PILRB: variants seen among roughly 807,000 people sequenced by gnomAD.
PILRB encodes the protein paired immunoglobulin-like type 2 receptor beta.
In PILRB, 21 loss-of-function variants were observed where a neutral mutation model predicts 20.5. The observed-to-expected ratio is 1.02, with a 90% CI of 0.72 to 1.47. The LOEUF is 1.47. Among genes scored for constraint, PILRB ranks in the 40% most tolerant of loss-of-function variants. The probability of loss-of-function intolerance (pLI) is 0.00; values close to 1 mark genes in which losing one functional copy is unlikely to be tolerated. For missense variants in PILRB, 253 were observed against 272.1 expected (o/e 0.93, Z 0.49); for synonymous variants, 133 against 115.1 (o/e 1.16, Z -0.99).
Position 100,367,455 on chromosome 7 carries a change from C to G in PILRB, c.*78C>G. On this transcript the variant is annotated 3_prime_UTR_variant, in exon 4 of 4. Transcript: ENST00000609309. ...GAGACCCGCTTGTGAGTCCTCCACACTCGTTCCCCATTGGCAAGATACATG... is the reference window on the plus strand; with the variant it reads ...GAGACCCGCTTGTGAGTCCTCCACAGTCGTTCCCCATTGGCAAGATACATG... 1 of 770,168 alleles carries G rather than the reference C, an allele frequency of 1.3e-6. No individual in the cohort carries two copies. The allele number at this position is 770,168 out of a possible 1,614,324, so 47.7% of individuals were successfully genotyped here.
At chr7:100,365,950 T>G (rs6952735) in intron 3 of PILRB, among the ~76,000 whole-genome samples, 285 of 114,148 alleles carry the variant, frequency 2.5e-3, no homozygotes, top group African/African-American at 0.01. Flanking sequence ...TTCTAGGTGG[T>G]TTTTTTTTTT....
intron 3 of PILRB, among the ~76,000 whole-genome samples, chr7:100,364,555 T>C (rs572356896): frequency 2.0e-5 from 3 of 152,334 alleles, no homozygotes; most frequent in Admixed American, 6.5e-5. Context: ...ACAAGAACGA[T>C]AGATCAACTG....
rs80244956 is a variant in PILRB, at chr7:100,363,326, T to C, written c.655+3789T>C. 8.1e-3 allele frequency among the ~76,000 whole-genome samples: 1,235 copies of C among 152,234 alleles called. 8 individuals carry two copies. Among genetic ancestry groups the C allele is most frequent in the Non-Finnish European group, 0.012 (787 of 68,012 alleles). On this transcript the variant is annotated intron_variant, in intron 3 of 3. Transcript: ENST00000609309. ...GTTGAATGAATGAATTCAGCAAAGT[T>C]CCAGGAAACCAATTTAACATGCAAG...
In PILRB at chr7:100,359,359, G is replaced by A. The variant is rs769645864; in HGVS notation, c.477G>A (p.Trp159Ter). The change falls in exon 3 of 4, where the codon TGG (tryptophan) becomes TGA (stop). Residue 159 changes from tryptophan (W) to a stop codon, truncating the protein, a stop_gained. Coordinates refer to ENST00000609309, the MANE Select transcript of PILRB (RefSeq NM_178238.4). LOFTEE classifies it high-confidence loss of function. ...CAGCTGTCACAACCACCACCACCTGGAGGCCCAGCAGCACAACCACCATAG... is the reference window on the plus strand; with the variant it reads ...CAGCTGTCACAACCACCACCACCTGAAGGCCCAGCAGCACAACCACCATAG... Reference protein sequence around the residue: ...ITQAVTTTTTWRPSSTTTIAG... With the variant: ...ITQAVTTTTT The A allele has an allele frequency of 5.0e-6, 8 of 1,614,016 alleles. No homozygotes were observed. In the South Asian group the frequency reaches 8.8e-5, roughly 18 times the overall value.
chr7:100,366,873 G>A (rs1049222679), intron 3 of PILRB, among the ~76,000 whole-genome samples: 4 of 152,084 alleles, frequency 2.6e-5, no homozygotes, highest in East Asian at 3.9e-4. Context: ...TTGCGGGGGC[G>A]GTTTCAGGAG....
In PILRB at chr7:100,358,679, C is replaced by T. The variant is rs1469001780; in HGVS notation, c.65-11C>T. ...AAGGTCTCTCCCCCACTCACTCCCTCCTTCCTCTAGGTGGCTCCACAGGAT... is the reference window on the plus strand; with the variant it reads ...AAGGTCTCTCCCCCACTCACTCCCTTCTTCCTCTAGGTGGCTCCACAGGAT... On this transcript the variant is annotated splice_polypyrimidine_tract_variant and intron_variant, in intron 1 of 3. Coordinates refer to ENST00000609309, the MANE Select transcript of PILRB (RefSeq NM_178238.4). 6.2e-7 allele frequency: 1 copy of T among 1,612,110 alleles called. No individual in the cohort carries two copies. Among genetic ancestry groups the T allele is most frequent in the Non-Finnish European group, 8.5e-7 (1 of 1,178,524 alleles).
Position 100,365,023 on chromosome 7 carries a change from A to G in PILRB, c.656-2326A>G, listed in dbSNP as rs1307710725. On this transcript the variant is annotated intron_variant, in intron 3 of 3. Transcript: ENST00000609309. The stretch of plus-strand genomic sequence containing the variant: ...TTTATTTAGTTATTTATTTTGAGAC[A>G]AAGTCCTGCTTTGTCACCCAGGCTG... Among the ~76,000 whole-genome samples, 7 of 152,272 alleles carry G rather than the reference A, an allele frequency of 4.6e-5. No individual in the cohort carries two copies. The East Asian group carries it at 1.3e-3, about 29-fold the overall frequency.
intron 3 of PILRB, 122 bp from the exon 4 acceptor site, chr7:100,367,227 C>G: frequency 1.2e-6 from 1 of 813,196 alleles, no homozygotes; most frequent in Non-Finnish European, 2.2e-6. Flanking sequence ...ACAAGCCCAG[C>G]CTGCCACAAA....
rs1309554506 is a variant in PILRB at position 100,359,480 on chromosome 7, A to G, written c.598A>G (p.Lys200Glu). The change falls in exon 3 of 4, where the codon AAA (lysine) becomes GAA (glutamate). Residue 200 changes from lysine (K) to glutamate (E), a missense_variant. Lys to Glu is a moderately conservative substitution (Grantham distance 56, BLOSUM62 1). Coordinates refer to ENST00000609309, the MANE Select transcript of PILRB (RefSeq NM_178238.4). Reference protein sequence around the residue: ...IRVALAVAVLKTVILGLLCLL... With the variant: ...IRVALAVAVLETVILGLLCLL... ...GGTTGCATTGGCTGTCGCTGTGCTCAAAACTGTCATTTTGGGACTGCTGTG... is the reference window on the plus strand; with the variant it reads ...GGTTGCATTGGCTGTCGCTGTGCTCGAAACTGTCATTTTGGGACTGCTGTG... 6.2e-7 allele frequency: 1 copy of G among 1,613,830 alleles called. No individual in the cohort carries two copies. Among genetic ancestry groups the G allele is most frequent in the Non-Finnish European group, 8.5e-7 (1 of 1,179,880 alleles).
intron 3 of PILRB, 50 bp downstream of exon 3, chr7:100,359,587 C>T (rs1385391015): frequency 2.0e-6 from 3 of 1,515,148 alleles, no homozygotes; most frequent in Non-Finnish European, 2.7e-6. Context: ...CTGGGGGTTT[C>T]TCTGAGCCCA....
intron 3 of PILRB, among the ~76,000 whole-genome samples, chr7:100,365,183 A>G (rs1288334475): frequency 1.3e-5 from 2 of 152,046 alleles, no homozygotes. Flanking sequence ...CATTTTTAGT[A>G]GAGACGGGGT....
intron 3 of PILRB, among the ~76,000 whole-genome samples, chr7:100,364,645 A>G (rs554602157): frequency 6.6e-6 from 1 of 152,256 alleles, no homozygotes; most frequent in African/African-American, 2.4e-5. Flanking sequence ...GAGTTGCCTT[A>G]GCCTCCACAA....
intron 3 of PILRB, among the ~76,000 whole-genome samples, chr7:100,360,161 C>G (rs1044681487): frequency 1.3e-5 from 2 of 152,194 alleles, no homozygotes; most frequent in Admixed American, 6.5e-5. Flanking sequence ...GGGAAAAGAA[C>G]AGAGAGAGGA....
chr7:100,366,488 G>C (rs772510967), intron 3 of PILRB, among the ~76,000 whole-genome samples: 36 of 152,118 alleles, frequency 2.4e-4, no homozygotes, highest in Non-Finnish European at 1.5e-4. Context: ...CAGGAGCCCA[G>C]TGCTTGGGAA....
Position 100,367,704 on chromosome 7 carries a change from GGAAAAATACAA to G in PILRB, c.*328_*338del. 1 of 330,042 alleles carries G rather than the reference GGAAAAATACAA, an allele frequency of 3.0e-6. No individual in the cohort carries two copies. Among genetic ancestry groups the G allele is most frequent in the Non-Finnish European group, 5.5e-6 (1 of 180,384 alleles). The allele number at this position is 330,042 out of a possible 1,614,324, so 20.4% of individuals were successfully genotyped here. On this transcript the variant is annotated 3_prime_UTR_variant, in exon 4 of 4. Transcript: ENST00000609309. ...GAGTTCCTTTATCCTCCCCAAGGATGGAAAAATACAATTTATTTTGCTTACCATACACCCCT... is the reference window on the plus strand; with the variant it reads ...GAGTTCCTTTATCCTCCCCAAGGATGTTTATTTTGCTTACCATACACCCCT...
intron 3 of PILRB, among the ~76,000 whole-genome samples, chr7:100,362,506 C>T (rs77178510): frequency 0.02 from 3,105 of 151,994 alleles, 104 homozygotes; most frequent in African/African-American, 0.068. Context: ...CAAGATTGAA[C>T]ACCTTTCCTT....
At position 100,358,839 on chromosome 7, in the gene PILRB, AG is replaced by A; in HGVS notation, c.215del (p.Arg72AsnfsTer23). ...AGTTCCCAACGTGAGAATATCCTGGAGACGGGGCCACTTCCACGGGCAGTCC... is the reference window on the plus strand; with the variant it reads ...AGTTCCCAACGTGAGAATATCCTGGAACGGGGCCACTTCCACGGGCAGTCC... ...AIVPNVRISW[R>X]RGHFHGQSFY... On this transcript the variant is annotated frameshift_variant, in exon 2 of 4. Transcript: ENST00000609309. LOFTEE classifies it high-confidence loss of function. The A allele has an allele frequency of 6.2e-7, 1 of 1,614,088 alleles. No individual in the cohort carries two copies. The highest frequency in any genetic ancestry group is 1.1e-5 in the South Asian group (1 of 91,078).
rs1158558387 is a variant in PILRB, at chr7:100,358,205, C to T, written c.-98C>T. The T allele has an allele frequency of 2.1e-6, 3 of 1,454,812 alleles. No homozygotes were observed. The highest frequency in any genetic ancestry group is 2.9e-6 in the Non-Finnish European group (3 of 1,047,012). The allele number at this position is 1,454,812 out of a possible 1,614,324, so 90.1% of individuals were successfully genotyped here. ...CTCTGGGGAGCCTCACCCTGGCTCT[C>T]CCCACTCACCTCAGCCCTCAGGCAG... On this transcript the variant is annotated 5_prime_UTR_variant, in exon 1 of 4. Transcript: ENST00000609309.
At chr7:100,367,242 C>G in intron 3 of PILRB, 107 bp from the exon 4 acceptor site, 4 of 795,134 alleles carry the variant, frequency 5.0e-6, no homozygotes, top group South Asian at 4.0e-5. Flanking sequence ...CACAAATTCT[C>G]CTGAGTTTTT....
Sources: allele counts gnomAD v4.1 joint callset (sites outside exome capture counted in the v4.1 genomes callset), GRCh38; gene constraint gnomAD v4.1.1; transcripts MANE v1.5; gene names NCBI Gene and HGNC (gene_info 2026-07-23, HGNC 2026-07-21).